Variants in PPARG observed in about 807,000 individuals in gnomAD.
The protein encoded by PPARG is peroxisome proliferator activated receptor gamma.
A neutral mutation model predicts 39.2 loss-of-function variants in PPARG; 17 were observed. The observed-to-expected ratio is 0.43, with a 90% confidence interval of 0.30 to 0.65. The LOEUF is 0.65. PPARG is among the 30% of genes least tolerant of loss of function. The pLI, the probability that PPARG is intolerant of heterozygous loss-of-function variation, is 0.13. For synonymous variants in PPARG, 223 were observed against 215.7 expected (o/e 1.03, Z -0.30); for missense variants, 406 against 585.9 (o/e 0.69, Z 3.17).
At position 12,405,979 on chromosome 3, in the gene PPARG, C is replaced by T; in HGVS notation, c.627C>T (p.Leu209=). The T allele has an allele frequency of 6.2e-7, 1 of 1,614,162 alleles. No homozygotes were observed. Among genetic ancestry groups the T allele is most frequent in the Non-Finnish European group, 8.5e-7 (1 of 1,180,018 alleles). The change falls in exon 6 of 8, where the codon CTC becomes CTT. Residue 209 remains leucine (L), a synonymous_variant. Transcript: ENST00000651735. ...AGCTGAATCCAGAGTCCGCTGACCT[C>T]CGGGCCCTGGCAAAACATTTGTATG... is the stretch of plus-strand genomic sequence containing the variant. ...IDQLNPESAD[L]RALAKHLYDS...
intron 2 of PPARG, among the ~76,000 whole-genome samples, chr3:12,352,101 T>G (rs2048506783): frequency 6.6e-6 from 1 of 152,180 alleles, no homozygotes; most frequent in Non-Finnish European, 1.5e-5. Flanking sequence ...TTTATTCCTC[T>G]TGAAGTACTC....
intron 2 of PPARG, among the ~76,000 whole-genome samples, chr3:12,347,643 A>G (rs1401785985): frequency 1.3e-5 from 2 of 152,202 alleles, no homozygotes; most frequent in African/African-American, 4.8e-5. Context: ...TTGGCTGGTC[A>G]TTCTGGTTGT....
chr3:12,371,949 G>A, intron 2 of PPARG: 1 of 714,614 alleles, frequency 1.4e-6, no homozygotes, highest in Non-Finnish European at 2.6e-6. Flanking sequence ...ATCTTGATCT[G>A]CATGAATCAG....
intron 2 of PPARG, among the ~76,000 whole-genome samples, chr3:12,345,840 A>G (rs1484043217): frequency 6.6e-6 from 1 of 152,228 alleles, no homozygotes; most frequent in Non-Finnish European, 1.5e-5. Flanking sequence ...CACCAGTGAC[A>G]GGATGTGCTA....
intron 7 of PPARG, among the ~76,000 whole-genome samples, chr3:12,424,216 G>A (rs1391790012): frequency 6.6e-6 from 1 of 152,194 alleles, no homozygotes; most frequent in African/African-American, 2.4e-5. Flanking sequence ...GGGATAGAAT[G>A]ATGGGGAGGA....
chr3:12,325,158 C>G (rs1000207210), intron 2 of PPARG, among the ~76,000 whole-genome samples: 1 of 151,848 alleles, frequency 6.6e-6, no homozygotes, highest in African/African-American at 2.4e-5. Context: ...CGCAGTGGCT[C>G]ACACCTGTAA....
At chr3:12,300,012 A>G (rs1321569170) in intron 1 of PPARG, among the ~76,000 whole-genome samples, 1 of 152,248 alleles carries the variant, frequency 6.6e-6, no homozygotes, top group Non-Finnish European at 1.5e-5. Flanking sequence ...AGAAAATATC[A>G]TATTGACCAC....
intron 5 of PPARG, among the ~76,000 whole-genome samples, chr3:12,400,168 T>C (rs760665683): frequency 9.2e-5 from 14 of 152,164 alleles, no homozygotes; most frequent in Middle Eastern, 3.2e-3. Context: ...AAGACAAAAA[T>C]AAGACTTGTC....
chr3:12,312,923 T>A (rs2047288863), intron 2 of PPARG, among the ~76,000 whole-genome samples: 1 of 152,180 alleles, frequency 6.6e-6, no homozygotes, highest in Admixed American at 6.5e-5. Context: ...TGCTAAGTTA[T>A]ACCCGGCATT....
chr3:12,395,663 C>G (rs2050232332), intron 5 of PPARG, among the ~76,000 whole-genome samples: 1 of 152,184 alleles, frequency 6.6e-6, no homozygotes, highest in Admixed American at 6.5e-5. Flanking sequence ...TGATATGCTT[C>G]AGAAATATGT....
chr3:12,380,774 C>G (rs1428261236), intron 3 of PPARG, among the ~76,000 whole-genome samples: 4 of 152,180 alleles, frequency 2.6e-5, no homozygotes, highest in Admixed American at 2.6e-4. Flanking sequence ...CCGCCACGCT[C>G]TGTCAAAGAT....
intron 1 of PPARG, among the ~76,000 whole-genome samples, chr3:12,297,533 AT>A (rs2046818225): frequency 1.3e-5 from 2 of 151,736 alleles, no homozygotes; most frequent in African/African-American, 4.8e-5. Context: ...GCAATATATG[AT>A]TTTTTTCCTA....
chr3:12,379,863 T>G lies in PPARG; in HGVS notation c.152T>G (p.Ile51Ser). ...SSISTPHYED[I>S]PFTRTDPVVA... ...ATTTCTACTCCACATTACGAAGACA[T>G]TCCATTCACAAGAACAGATCCAGTG... is the stretch of plus-strand genomic sequence containing the variant. Residue 51 changes from isoleucine (I) to serine (S), a missense_variant, in exon 3 of 8, where the codon ATT becomes AGT. By Grantham distance (142) the Ile-to-Ser change is moderately radical (BLOSUM62 -2). This residue lies in a region of PPARG where 131 missense variants were observed against 127.9 expected (regional missense o/e 1.02). Coordinates refer to ENST00000651735, the MANE Select transcript of PPARG (RefSeq NM_138711.6). 6.2e-7 allele frequency: 1 copy of G among 1,613,928 alleles called. No homozygotes were observed. The highest frequency in any genetic ancestry group is 8.5e-7 in the Non-Finnish European group (1 of 1,179,850).
chr3:12,431,136 C>T (rs1234308416), intron 7 of PPARG, among the ~76,000 whole-genome samples: 1 of 151,676 alleles, frequency 6.6e-6, no homozygotes, highest in African/African-American at 2.4e-5. Flanking sequence ...CTTGATGAGC[C>T]TGACTGAGAA....
At chr3:12,387,506 G>C (rs903454458) in intron 4 of PPARG, among the ~76,000 whole-genome samples, 1 of 152,134 alleles carries the variant, frequency 6.6e-6, no homozygotes, top group Non-Finnish European at 1.5e-5. Context: ...TCTGTTGGCT[G>C]CATAAATGTC....
At chr3:12,424,295 A>C (rs1467654855) in intron 7 of PPARG, among the ~76,000 whole-genome samples, 2 of 152,198 alleles carry the variant, frequency 1.3e-5, no homozygotes, top group Non-Finnish European at 2.9e-5. Context: ...TTGTTTGTAA[A>C]ATATAGAAGC....
At position 12,342,351 on chromosome 3, in the gene PPARG, A is replaced by G. The variant is rs77558979; in HGVS notation, c.-9+29898A>G. ...TAAGGGGAAGGAGTAGTCATGCTAG[A>G]TTTAAAACAGCTTAGGAACATACAG... is the stretch of plus-strand genomic sequence containing the variant. On this transcript the variant is annotated intron_variant, in intron 2 of 7. Transcript: ENST00000651735. Among the ~76,000 whole-genome samples, 127 of 152,334 alleles carry G rather than the reference A, an allele frequency of 8.3e-4. No individual in the cohort carries two copies. The East Asian group carries it at 0.022, about 26-fold the overall frequency.
chr3:12,348,085 T>C (rs1441962299), intron 2 of PPARG, among the ~76,000 whole-genome samples: 1 of 152,148 alleles, frequency 6.6e-6, no homozygotes, highest in Non-Finnish European at 1.5e-5. Context: ...GAGAATAAAT[T>C]CCAAATTTAT....
Position 12,416,762 on chromosome 3 carries a change from AAC to A in PPARG, c.792_793del (p.Ile265HisfsTer43), listed in dbSNP as rs2051071603. 2 of 1,613,982 alleles carry A rather than the reference AAC, an allele frequency of 1.2e-6. No homozygotes were observed. Among genetic ancestry groups the A allele is most frequent in the South Asian group, 1.1e-5 (1 of 91,076 alleles). Reference sequence around the variant, plus strand: ...ATGGGAGAAGATAAAATCAAGTTCAAACACATCACCCCCCTGCAGGAGCAGAG... The same window carrying A: ...ATGGGAGAAGATAAAATCAAGTTCAAACATCACCCCCCTGCAGGAGCAGAG... On this transcript the variant is annotated frameshift_variant, in exon 7 of 8. Transcript: ENST00000651735. LOFTEE classifies it high-confidence loss of function.
Sources: gnomAD v4.1 joint callset for allele counts (sites outside exome capture counted in the v4.1 genomes callset) on GRCh38, gnomAD v4.1.1 for gene constraint, gnomAD v4.1.1 regional missense constraint, MANE v1.5 for transcripts, NCBI Gene and HGNC (gene_info 2026-07-23, HGNC 2026-07-21) for gene names.